MALRD1: variants seen among roughly 807,000 people sequenced by gnomAD.
MALRD1 encodes the protein MAM and LDL-receptor class A domain-containing protein 1.
MALRD1 carries 247 observed loss-of-function variants against 242.1 expected under a neutral mutation model. The ratio of observed to expected loss-of-function variants is 1.02; its 90% CI spans 0.92 to 1.13. The LOEUF is 1.13. Ranked by LOEUF, MALRD1 falls within the 50% of genes most tolerant of loss-of-function variation. The pLI is 0.00. For synonymous variants in MALRD1, 995 were observed against 866.6 expected (o/e 1.15, Z -2.60); for missense variants, 2,989 against 2,533.1 (o/e 1.18, Z -3.86).
At chr10:19,586,839 G>A (rs767811638) in intron 33 of MALRD1, among the ~76,000 whole-genome samples, 1 of 152,230 alleles carries the variant, frequency 6.6e-6, no homozygotes, top group South Asian at 2.1e-4. Context: ...CTGCCGCCTT[G>A]CAGTTTGATC....
At chr10:19,327,531 T>G (rs1360089612) in intron 22 of MALRD1, 32 bp from the exon 23 acceptor site, 3 of 1,493,638 alleles carry the variant, frequency 2.0e-6, no homozygotes, top group Admixed American at 2.0e-5. Flanking sequence ...GATAAAATAC[T>G]TCAGTGCCTT....
intron 33 of MALRD1, among the ~76,000 whole-genome samples, chr10:19,590,458 A>G (rs536748538): frequency 5.0e-4 from 75 of 150,866 alleles, no homozygotes; most frequent in Non-Finnish European, 9.3e-4. Flanking sequence ...GATCTGTCCT[A>G]TGCCTTTGCA....
At chr10:19,107,172 T>C (rs76740774) in intron 5 of MALRD1, among the ~76,000 whole-genome samples, 1 of 151,948 alleles carries the variant, frequency 6.6e-6, no homozygotes, top group Admixed American at 6.6e-5. Context: ...TTAAATATCA[T>C]GTTTCTTTGT....
At chr10:19,312,386 A>ATG (rs1285651590) in intron 21 of MALRD1, among the ~76,000 whole-genome samples, 1 of 145,510 alleles carries the variant, frequency 6.9e-6, no homozygotes, top group African/African-American at 2.6e-5. Context: ...GTGTATATAT[A>ATG]TATATATATA....
intron 31 of MALRD1, among the ~76,000 whole-genome samples, chr10:19,501,938 A>G (rs1402198383): frequency 6.7e-6 from 1 of 149,160 alleles, no homozygotes; most frequent in African/African-American, 2.5e-5. Flanking sequence ...CTGAGGCAGG[A>G]GAATGGCTTG....
intron 5 of MALRD1, 123 bp downstream of exon 5, chr10:19,104,198 C>G: frequency 1.9e-6 from 1 of 515,030 alleles, no homozygotes; most frequent in Non-Finnish European, 3.0e-6. Context: ...GGATATTTTT[C>G]GTTCTAATAC....
chr10:19,218,980 T>G (rs540377353), intron 18 of MALRD1, among the ~76,000 whole-genome samples: 112 of 152,288 alleles, frequency 7.4e-4, no homozygotes, highest in African/African-American at 2.3e-3. Flanking sequence ...AGTAATCTAA[T>G]TATTTTGACT....
At chr10:19,232,644 A>G (rs1449291003) in intron 18 of MALRD1, among the ~76,000 whole-genome samples, 2 of 152,242 alleles carry the variant, frequency 1.3e-5, no homozygotes, top group Non-Finnish European at 1.5e-5. Flanking sequence ...TAAATATTTC[A>G]TATAAATTCT....
At chr10:19,176,796 G>A (rs1024381973) in intron 14 of MALRD1, among the ~76,000 whole-genome samples, 2 of 151,708 alleles carry the variant, frequency 1.3e-5, no homozygotes, top group African/African-American at 4.8e-5. Flanking sequence ...GTGTGTGCAT[G>A]TGTGCGCGTG....
chr10:19,505,078 AAAG>A (rs1564397873), intron 31 of MALRD1, among the ~76,000 whole-genome samples: 1 of 152,146 alleles, frequency 6.6e-6, no homozygotes, highest in Non-Finnish European at 1.5e-5. Flanking sequence ...TGGGGCAGAA[AAAG>A]AAGGAGAAAG....
At chr10:19,221,302 A>G (rs17665980) in intron 18 of MALRD1, among the ~76,000 whole-genome samples, 1,547 of 152,260 alleles carry the variant, frequency 0.01, 16 homozygotes, top group Middle Eastern at 0.031. Flanking sequence ...AATTATATAC[A>G]TAAATGCTGA....
chr10:19,526,365 A>ATACATAT (rs10695324), intron 31 of MALRD1, among the ~76,000 whole-genome samples: 8,962 of 148,652 alleles, frequency 0.06, 808 homozygotes, highest in African/African-American at 0.2. Flanking sequence ...CCAAAAAAAA[A>ATACATAT]ATACATATAT....
At chr10:19,384,625 A>G (rs1238275793) in intron 26 of MALRD1, among the ~76,000 whole-genome samples, 10 of 131,504 alleles carry the variant, frequency 7.6e-5, no homozygotes, top group African/African-American at 2.0e-4. Context: ...TATAATATTT[A>G]CTATAATATA....
chr10:19,393,515 G>A (rs1374389439), intron 28 of MALRD1, among the ~76,000 whole-genome samples: 1 of 139,316 alleles, frequency 7.2e-6, no homozygotes, highest in Non-Finnish European at 1.5e-5. Context: ...GTGTGATCTC[G>A]GCTCACTGCA....
At chr10:19,171,473 C>T (rs12764231) in intron 13 of MALRD1, among the ~76,000 whole-genome samples, 44 of 130,476 alleles carry the variant, frequency 3.4e-4, no homozygotes, top group Middle Eastern at 4.5e-3. Flanking sequence ...CATGTATATA[C>T]ACACACACAT....
At chr10:19,438,387 T>C (rs1834445725) in intron 28 of MALRD1, among the ~76,000 whole-genome samples, 1 of 152,218 alleles carries the variant, frequency 6.6e-6, no homozygotes, top group Admixed American at 6.5e-5. Context: ...ATGGATTATA[T>C]GTACCACATA....
At chr10:19,698,277 C>G (rs1833464295) in intron 38 of MALRD1, among the ~76,000 whole-genome samples, 1 of 152,154 alleles carries the variant, frequency 6.6e-6, no homozygotes, top group Admixed American at 6.5e-5. Context: ...CATCAGAACT[C>G]TAATAGTATC....
In MALRD1 at chr10:19,327,580, T is replaced by C; in HGVS notation, c.3594T>C (p.Asp1198=). ...VGSLQVLIKK[D]NVTSKLWAQT... Reference sequence around the variant, plus strand: ...CTCTATAGGTGCTCATCAAGAAAGATAACGTTACTTCTAAATTGTGGGCTC... The same window carrying C: ...CTCTATAGGTGCTCATCAAGAAAGACAACGTTACTTCTAAATTGTGGGCTC... The change falls in exon 23 of 40, where the codon GAT becomes GAC. Residue 1198 remains aspartate, a synonymous_variant. Transcript: ENST00000454679. 1 of 1,549,812 alleles carries C rather than the reference T, an allele frequency of 6.5e-7. No individual in the cohort carries two copies. The highest frequency in any genetic ancestry group is 1.2e-5 in the South Asian group (1 of 84,032).
chr10:19,337,533 C>A (rs1843666595), intron 24 of MALRD1, among the ~76,000 whole-genome samples: 2 of 151,974 alleles, frequency 1.3e-5, no homozygotes, highest in African/African-American at 4.8e-5. Context: ...ATCTTATTGG[C>A]CATTTGTGTA....
Sources: allele counts gnomAD v4.1 joint callset (sites outside exome capture counted in the v4.1 genomes callset), GRCh38; gene constraint gnomAD v4.1.1; transcripts MANE v1.5; gene names NCBI Gene and HGNC (gene_info 2026-07-23, HGNC 2026-07-21).